The following SVEP1 variants were observed in gnomAD, a reference collection of about 807,000 sequenced individuals.
SVEP1 encodes sushi, von Willebrand factor type A, EGF and pentraxin domain containing 1.
Under a neutral mutation model 367.3 loss-of-function variants are expected in SVEP1, and 164 were observed. That is an observed-to-expected ratio of 0.45 (90% CI 0.39 to 0.51). SVEP1 has a LOEUF of 0.51. Among genes scored for constraint, SVEP1 ranks in the 20% least tolerant of loss-of-function variants. The pLI, the probability that SVEP1 is intolerant of heterozygous loss-of-function variation, is 0.00. For synonymous variants in SVEP1, 1,666 were observed against 1,611.6 expected, an observed-to-expected ratio of 1.03 and a Z score of -0.81; for missense variants, 4,117 against 4,425.3, an observed-to-expected ratio of 0.93 and a Z score of 1.98.
At position 110,457,298 on chromosome 9, in the gene SVEP1, G is replaced by C; in HGVS notation, c.3631C>G (p.Leu1211Val). ...PCHNSGTCQQ[L>V]GRGYVCLCPL... ...CAGAGACAAACATAACCACGCCCAAGTTGCTGGCAGGTTCCACTATTGTGG... is the reference window on the plus strand; with the variant it reads ...CAGAGACAAACATAACCACGCCCAACTTGCTGGCAGGTTCCACTATTGTGG... Residue 1211 changes from leucine (L) to valine (V), a missense_variant, in exon 21 of 48, where the codon CTT becomes GTT. This residue lies in a region of SVEP1 where 2,174 missense variants were observed against 2,494.3 expected (regional missense o/e 0.87). Transcript: ENST00000374469. 9.3e-6 allele frequency: 15 copies of C among 1,612,784 alleles called. No homozygotes were observed. Among genetic ancestry groups the C allele is most frequent in the East Asian group, 4.5e-5 (2 of 44,830 alleles).
intron 3 of SVEP1, among the ~76,000 whole-genome samples, chr9:110,544,319 A>C (rs1423669336): frequency 6.6e-6 from 1 of 152,120 alleles, no homozygotes; most frequent in Non-Finnish European, 1.5e-5. Context: ...AGTGCTCCCA[A>C]ATTTTCCTTG....
intron 3 of SVEP1, among the ~76,000 whole-genome samples, chr9:110,519,956 G>A (rs1829857167): frequency 6.6e-6 from 1 of 151,900 alleles, no homozygotes; most frequent in Non-Finnish European, 1.5e-5. Context: ...TCCATAAATA[G>A]AATAATACTA....
chr9:110,563,884 C>G (rs1369421719), intron 1 of SVEP1, among the ~76,000 whole-genome samples: 1 of 152,126 alleles, frequency 6.6e-6, no homozygotes, highest in Non-Finnish European at 1.5e-5. Context: ...TCTGTAGTAC[C>G]TGTCTACTGG....
intron 18 of SVEP1, among the ~76,000 whole-genome samples, chr9:110,465,551 T>C (rs1194254477): frequency 1.3e-5 from 2 of 152,198 alleles, no homozygotes; most frequent in Non-Finnish European, 2.9e-5. Flanking sequence ...AAGGAGGGAA[T>C]GAAGTTCCTA....
chr9:110,443,390 C>T (rs1290947609), intron 27 of SVEP1, 155 bp downstream of exon 27: 6 of 693,374 alleles, frequency 8.7e-6, no homozygotes, highest in Non-Finnish European at 1.3e-5. Context: ...CTTCTAATAA[C>T]CCACAGTTAG....
At chr9:110,514,642 T>C (rs538127090) in intron 3 of SVEP1, among the ~76,000 whole-genome samples, 1 of 152,210 alleles carries the variant, frequency 6.6e-6, no homozygotes, top group Non-Finnish European at 1.5e-5. Context: ...TGGCCTCTTA[T>C]GTCCCACAAT....
At chr9:110,399,143 C>T (rs570178550) in intron 40 of SVEP1, among the ~76,000 whole-genome samples, 58 of 152,280 alleles carry the variant, frequency 3.8e-4, no homozygotes, top group African/African-American at 1.3e-3. Flanking sequence ...GGCATATATA[C>T]ACCATGGAAT....
chr9:110,499,222 G>T lies in SVEP1; in HGVS notation c.1500C>A (p.Thr500=). 1.2e-6 allele frequency: 2 copies of T among 1,612,980 alleles called. No homozygotes were observed. The highest frequency in any genetic ancestry group is 1.7e-6 in the Non-Finnish European group (2 of 1,179,366). The change falls in exon 7 of 48, where the codon ACC becomes ACA. Residue 500 remains threonine, a synonymous_variant. Transcript: ENST00000374469. ...TGATGACATCTTTGGGCATCTGAAAGGTGGAACAGTGGCGCTCTACGGTAG... is the reference window on the plus strand; with the variant it reads ...TGATGACATCTTTGGGCATCTGAAATGTGGAACAGTGGCGCTCTACGGTAG... The part of the protein sequence containing the change: ...EPRCVERHCS[T]FQMPKDVIIS...
In SVEP1 at chr9:110,514,062, T is replaced by A. The variant is rs1240296378; in HGVS notation, c.1009A>T (p.Ile337Phe). ...TCAGGACATGGAATGCAACTGCTGA[T>A]TCCTCCTGGTGAGCCTTCAGGTTTG... Reference protein sequence around the residue: ...TYKPEGSPGGISSCIPCPDEN... With the variant: ...TYKPEGSPGGFSSCIPCPDEN... The change falls in exon 4 of 48, where the codon ATC becomes TTC. Residue 337 changes from isoleucine (I) to phenylalanine (F), a missense_variant. Ile to Phe is a conservative substitution (Grantham distance 21). This residue lies in a region of SVEP1 where 2,174 missense variants were observed against 2,494.3 expected (regional missense o/e 0.87). Transcript: ENST00000374469. 1 of 1,611,560 alleles carries A rather than the reference T, an allele frequency of 6.2e-7. No homozygotes were observed. The highest frequency in any genetic ancestry group is 1.7e-5 in the Admixed American group (1 of 59,726).
At chr9:110,528,578 T>C (rs1030511473) in intron 3 of SVEP1, among the ~76,000 whole-genome samples, 1 of 152,080 alleles carries the variant, frequency 6.6e-6, no homozygotes, top group Non-Finnish European at 1.5e-5. Flanking sequence ...GCATTTTTCA[T>C]ATGTTTGTTG....
At chr9:110,527,412 A>G (rs1829953422) in intron 3 of SVEP1, among the ~76,000 whole-genome samples, 2 of 152,042 alleles carry the variant, frequency 1.3e-5, no homozygotes, top group Non-Finnish European at 2.9e-5. Context: ...TTAATGATCG[A>G]TTCCTAAAAA....
In SVEP1 at chr9:110,451,418, C is replaced by T; in HGVS notation, c.3788-16G>A. On this transcript the variant is annotated splice_polypyrimidine_tract_variant and intron_variant, in intron 22 of 47. Transcript: ENST00000374469. ...CACCGCTGACCTGCAAAGAATCATTCATCTTTGAGCTGGAGAAAACTTGAC... is the reference window on the plus strand; with the variant it reads ...CACCGCTGACCTGCAAAGAATCATTTATCTTTGAGCTGGAGAAAACTTGAC... 1 of 1,597,962 alleles carries T rather than the reference C, an allele frequency of 6.3e-7. No homozygotes were observed. The highest frequency in any genetic ancestry group is 8.6e-7 in the Non-Finnish European group (1 of 1,167,556).
chr9:110,459,635 A>G (rs1359560039), intron 18 of SVEP1, among the ~76,000 whole-genome samples: 3 of 152,232 alleles, frequency 2.0e-5, no homozygotes, highest in Non-Finnish European at 4.4e-5. Flanking sequence ...TGAGTAGTTG[A>G]ATAGTTAGGT....
At chr9:110,493,072 G>C (rs1389052260) in intron 8 of SVEP1, among the ~76,000 whole-genome samples, 1 of 152,042 alleles carries the variant, frequency 6.6e-6, no homozygotes, top group Non-Finnish European at 1.5e-5. Flanking sequence ...GGAGATGGTA[G>C]TACTTGAGTT....
At position 110,429,218 on chromosome 9, in the gene SVEP1, A is replaced by G; in HGVS notation, c.5732T>C (p.Ile1911Thr). 6.3e-7 allele frequency: 1 copy of G among 1,596,538 alleles called. No individual in the cohort carries two copies. ...EPVKCSSPENINNGKYILSGL... is the reference protein window; with the variant it reads ...EPVKCSSPENTNNGKYILSGL... ...ACTCAAAATATATTTTCCATTATTT[A>G]TATTTTCCGGACTAGAACACTTCAC... Residue 1911 changes from isoleucine (I) to threonine (T), a missense_variant, in exon 35 of 48, where the codon ATA (isoleucine) becomes ACA (threonine). Coordinates refer to ENST00000374469, the MANE Select transcript of SVEP1 (RefSeq NM_153366.4).
At position 110,579,269 on chromosome 9, in the gene SVEP1, G is replaced by A. The variant is rs752418570; in HGVS notation, c.275C>T (p.Ser92Phe). The change falls in exon 1 of 48, where the codon TCC becomes TTC. Residue 92 changes from serine (S) to phenylalanine (F), a missense_variant. Around this residue, in one of 4 missense-constraint regions of SVEP1, gnomAD observed 161 missense variants for 122.4 expected, o/e 1.32. Transcript: ENST00000374469. The surrounding 1 kb of genome is among the most constrained non-coding windows in gnomAD (Gnocchi z 5.3). ...LELVFLVDDS[S>F]SVGEVNFRSE... ...GCGGAAGTTGACTTCGCCCACGCTG[G>A]ACGAATCATCCACCAGGAAGACAAG... The A allele has an allele frequency of 6.4e-7, 1 of 1,572,806 alleles. No individual in the cohort carries two copies. Among genetic ancestry groups the A allele is most frequent in the African/African-American group, 1.4e-5 (1 of 73,874 alleles).
intron 40 of SVEP1, among the ~76,000 whole-genome samples, chr9:110,394,041 C>A (rs2148879): frequency 6.6e-6 from 1 of 152,100 alleles, no homozygotes; most frequent in Non-Finnish European, 1.5e-5. Context: ...TGAGATCTGA[C>A]AACAGGCAGA....
chr9:110,406,538 T>C lies in SVEP1; in HGVS notation c.9062A>G (p.Asp3021Gly), dbSNP rs1243241569. 6.2e-7 allele frequency: 1 copy of C among 1,613,608 alleles called. No homozygotes were observed. The highest frequency in any genetic ancestry group is 2.2e-5 in the East Asian group (1 of 44,888). Residue 3021 changes from aspartate (D) to glycine (G), a missense_variant, in exon 38 of 48, where the codon GAT becomes GGT. Physicochemically the swap from Asp to Gly is moderately conservative, Grantham distance 94 (BLOSUM62 -1). This residue lies in a region of SVEP1 where 1,765 missense variants were observed against 1,781.1 expected (regional missense o/e 0.99). Coordinates refer to ENST00000374469, the MANE Select transcript of SVEP1 (RefSeq NM_153366.4). ...CCGGGCTGCCTTTCCACAGTCAAAA[T>C]CTGTCCCATTGACAGTTCCATATTC... Reference protein sequence around the residue: ...VIEYGTVNGTDFDCGKAARIQ... With the variant: ...VIEYGTVNGTGFDCGKAARIQ...
At chr9:110,457,210 T>C (rs748867673) in intron 21 of SVEP1, 46 bp downstream of exon 21, 2 of 1,446,040 alleles carry the variant, frequency 1.4e-6, no homozygotes, top group African/African-American at 1.4e-5. Flanking sequence ...GTCATAATGA[T>C]TTCATATAAA....
Sources: gnomAD v4.1 joint callset for allele counts (sites outside exome capture counted in the v4.1 genomes callset) on GRCh38, gnomAD v4.1.1 for gene constraint, gnomAD v4.1.1 regional missense constraint, Gnocchi (gnomAD v3.1) non-coding constraint, MANE v1.5 for transcripts, NCBI Gene and HGNC (gene_info 2026-07-23, HGNC 2026-07-21) for gene names.